MAPK10: variants seen among roughly 807,000 people sequenced by gnomAD.
MAPK10 encodes mitogen-activated protein kinase 10, also known as JNK3 alpha protein kinase.
In MAPK10, 25 loss-of-function variants were observed where a neutral mutation model predicts 59.3. That is an observed-to-expected ratio of 0.42 (90% CI 0.31 to 0.59). The LOEUF is 0.59. MAPK10 is among the 20% of genes least tolerant of loss of function. The pLI is 0.15. For missense variants in MAPK10, 351 were observed against 568.9 expected, an observed-to-expected ratio of 0.62 and a Z score of 3.90; for synonymous variants, 190 against 200.5, an observed-to-expected ratio of 0.95 and a Z score of 0.44.
At chr4:86,181,852 A>C (rs1056869914) in intron 3 of MAPK10, among the ~76,000 whole-genome samples, 3 of 152,132 alleles carry the variant, frequency 2.0e-5, no homozygotes, top group Non-Finnish European at 2.9e-5. Context: ...GCCACAACAC[A>C]TATTATTTCT....
At chr4:86,283,505 A>G (rs1240102970) in intron 2 of MAPK10, among the ~76,000 whole-genome samples, 2 of 152,228 alleles carry the variant, frequency 1.3e-5, no homozygotes, top group South Asian at 2.1e-4. Context: ...CGACATGATA[A>G]GACACAATGA....
At chr4:86,397,443 G>A (rs1237334525) in intron 1 of MAPK10, among the ~76,000 whole-genome samples, 1 of 152,134 alleles carries the variant, frequency 6.6e-6, no homozygotes, top group African/African-American at 2.4e-5. Flanking sequence ...CATATTTCAT[G>A]TAGTATTGCC....
chr4:86,068,613 A>G (rs1422770749), intron 9 of MAPK10, among the ~76,000 whole-genome samples: 3 of 152,148 alleles, frequency 2.0e-5, no homozygotes, highest in East Asian at 3.8e-4. Context: ...ATTGTTTTCA[A>G]TGAAATATAA....
chr4:86,228,996 G>A (rs904017002), intron 2 of MAPK10, among the ~76,000 whole-genome samples: 6 of 152,168 alleles, frequency 3.9e-5, no homozygotes, highest in South Asian at 2.1e-4. Flanking sequence ...TAAATGTATC[G>A]TCTTTCAGAG....
chr4:86,466,729 T>C (rs1752240514), intron 1 of MAPK10, among the ~76,000 whole-genome samples: 1 of 152,184 alleles, frequency 6.6e-6, no homozygotes, highest in Non-Finnish European at 1.5e-5. Flanking sequence ...AAGCACAGCA[T>C]GAAAAGCACA....
intron 2 of MAPK10, among the ~76,000 whole-genome samples, chr4:86,250,340 G>T (rs1360818416): frequency 6.6e-6 from 1 of 152,104 alleles, no homozygotes; most frequent in African/African-American, 2.4e-5. Context: ...GTCATCTTAA[G>T]TACTCATTCA....
chr4:86,469,598 T>A (rs1752500969), intron 1 of MAPK10, among the ~76,000 whole-genome samples: 1 of 152,196 alleles, frequency 6.6e-6, no homozygotes, highest in South Asian at 2.1e-4. Flanking sequence ...CAAGCATAAG[T>A]AGCAGAAAGA....
At chr4:86,404,376 G>T (rs946048162) in intron 1 of MAPK10, among the ~76,000 whole-genome samples, 2 of 151,988 alleles carry the variant, frequency 1.3e-5, no homozygotes, top group Non-Finnish European at 2.9e-5. Flanking sequence ...ACTCCCTAAG[G>T]CTTAATGCAC....
Position 86,443,385 on chromosome 4 carries a change from G to A in MAPK10, c.-122+9645C>T, listed in dbSNP as rs116638753. Among the ~76,000 whole-genome samples the A allele has an allele frequency of 5.9e-3, 902 of 151,722 alleles. 13 individuals carry two copies. The highest frequency in any genetic ancestry group is 0.021 in the African/African-American group (860 of 41,302). Reference sequence around the variant, plus strand: ...CCTAACTTACTAGAGTTTTATCAGAGCCTAACCACCCTGCAGAAGCCAAAA... The same window carrying A: ...CCTAACTTACTAGAGTTTTATCAGAACCTAACCACCCTGCAGAAGCCAAAA... On this transcript the variant is annotated intron_variant, in intron 1 of 13. Transcript: ENST00000361569.
intron 3 of MAPK10, among the ~76,000 whole-genome samples, chr4:86,173,547 T>C (rs2074923423): frequency 6.6e-6 from 1 of 152,036 alleles, no homozygotes; most frequent in Non-Finnish European, 1.5e-5. Flanking sequence ...ATCTAGGCAA[T>C]ATCATTCAGG....
chr4:86,071,470 G>T (rs2047946316), intron 9 of MAPK10, among the ~76,000 whole-genome samples: 1 of 142,862 alleles, frequency 7.0e-6, no homozygotes. Context: ...CCTTGCCCAT[G>T]CCTATGTCCT....
At chr4:86,331,028 GA>G (rs1462653224) in intron 2 of MAPK10, among the ~76,000 whole-genome samples, 1 of 151,698 alleles carries the variant, frequency 6.6e-6, no homozygotes, top group Admixed American at 6.6e-5. Context: ...ATAATGATTT[GA>G]AAAAAAATAC....
chr4:86,234,659 T>A (rs1258823851), intron 2 of MAPK10, among the ~76,000 whole-genome samples: 1 of 152,138 alleles, frequency 6.6e-6, no homozygotes, highest in African/African-American at 2.4e-5. Flanking sequence ...TTTTTCCATT[T>A]AAAATCACCA....
At chr4:86,298,445 C>G (rs1247218265) in intron 2 of MAPK10, among the ~76,000 whole-genome samples, 1 of 152,230 alleles carries the variant, frequency 6.6e-6, no homozygotes, top group Non-Finnish European at 1.5e-5. Flanking sequence ...TGACCCTCCT[C>G]TAGCCATCAG....
chr4:86,097,768 A>G (rs1159868362), intron 9 of MAPK10, among the ~76,000 whole-genome samples: 1 of 152,140 alleles, frequency 6.6e-6, no homozygotes, highest in East Asian at 1.9e-4. Flanking sequence ...TAAGAAATGT[A>G]TCAGTTCATT....
intron 1 of MAPK10, among the ~76,000 whole-genome samples, chr4:86,575,998 CGTGTGT>C (rs56886437): frequency 6.8e-6 from 1 of 147,262 alleles, no homozygotes; most frequent in Admixed American, 6.8e-5. Flanking sequence ...TGTGTGTATG[CGTGTGT>C]GTGTGTGTGT....
At chr4:86,222,539 G>A (rs903733215) in intron 2 of MAPK10, among the ~76,000 whole-genome samples, 3 of 152,214 alleles carry the variant, frequency 2.0e-5, no homozygotes, top group African/African-American at 7.2e-5. Context: ...CATGGGATCA[G>A]CTGAGGTCTC....
At chr4:86,164,583 G>T (rs2070986970) in intron 3 of MAPK10, 1 of 151,594 alleles carries the variant, frequency 6.6e-6, no homozygotes, top group East Asian at 1.9e-4. Context: ...CAAAAAACAG[G>T]CAGTAGATAA....
chr4:86,562,889 C>T (rs1264256540), intron 1 of MAPK10, among the ~76,000 whole-genome samples: 1 of 152,138 alleles, frequency 6.6e-6, no homozygotes, highest in Non-Finnish European at 1.5e-5. Flanking sequence ...TATTCATATG[C>T]CACTTCTTCC....
Sources: gnomAD v4.1 joint callset for allele counts (sites outside exome capture counted in the v4.1 genomes callset) on GRCh38, gnomAD v4.1.1 for gene constraint, MANE v1.5 for transcripts, NCBI Gene and HGNC (gene_info 2026-07-23, HGNC 2026-07-21) for gene names.